C14orf39: variants seen among roughly 807,000 people sequenced by gnomAD.
C14orf39 encodes protein SIX6OS1.
Under a neutral mutation model 85.6 loss-of-function variants are expected in C14orf39, and 66 were observed. The observed-to-expected ratio is 0.77, with a 90% CI of 0.63 to 0.95. The LOEUF (loss-of-function observed/expected upper bound fraction) is 0.95. C14orf39 is among the 40% of genes least tolerant of loss of function. C14orf39 has a pLI of 0.00. For synonymous variants in C14orf39, 242 were observed against 214.0 expected (o/e 1.13, Z -1.14); for missense variants, 735 against 663.9 (o/e 1.11, Z -1.18).
At chr14:60,456,361 T>C (rs1891277729) in intron 15 of C14orf39, among the ~76,000 whole-genome samples, 1 of 151,930 alleles carries the variant, frequency 6.6e-6, no homozygotes, top group South Asian at 2.1e-4. Flanking sequence ...AAGAAATGAC[T>C]GATGGAATAT....
intron 7 of C14orf39, among the ~76,000 whole-genome samples, chr14:60,470,185 C>T (rs930929796): frequency 6.6e-6 from 1 of 151,668 alleles, no homozygotes; most frequent in Non-Finnish European, 1.5e-5. Flanking sequence ...GGCAGATCTT[C>T]GACTTGGACT....
At chr14:60,509,502 G>C in intron 1 of C14orf39, 1 of 1,604,192 alleles carries the variant, frequency 6.2e-7, no homozygotes, top group Non-Finnish European at 8.5e-7. Flanking sequence ...CGCTTCCTCT[G>C]GTCGCTGCCC....
chr14:60,490,137 C>G (rs114786399), upstream of C14orf39, among the ~76,000 whole-genome samples: 551 of 152,278 alleles, frequency 3.6e-3, 4 homozygotes, highest in African/African-American at 0.012. Flanking sequence ...ATCTCAGATT[C>G]AGTCCTAGGC....
At chr14:60,497,170 C>A (rs1893080252) in intron 2 of C14orf39, among the ~76,000 whole-genome samples, 1 of 152,218 alleles carries the variant, frequency 6.6e-6, no homozygotes, top group African/African-American at 2.4e-5. Flanking sequence ...GCTCCTCTGC[C>A]TGGAATGCTC....
chr14:60,506,240 C>G (rs991057041), intron 1 of C14orf39, among the ~76,000 whole-genome samples: 7 of 152,132 alleles, frequency 4.6e-5, no homozygotes, highest in Non-Finnish European at 1.0e-4. Flanking sequence ...TGCCACTGTA[C>G]TTTCTCGATT....
intron 16 of C14orf39, among the ~76,000 whole-genome samples, chr14:60,442,450 C>T (rs1890564665): frequency 6.6e-6 from 1 of 151,490 alleles, no homozygotes; most frequent in Non-Finnish European, 1.5e-5. Flanking sequence ...TTTTTTTTGC[C>T]TATAAAAGTA....
rs17097451 is a variant in C14orf39, at chr14:60,458,659, G to A, written c.1179+19C>T. The A allele has an allele frequency of 1.1e-3, 1,773 of 1,562,634 alleles. 11 individuals are homozygous for A. The African/African-American group carries it at 0.018, about 16-fold the overall frequency. ...TTGGAATTTTTGCTTAGAAATTAGA[G>A]ATCAAACATTTGACTTACTTGTGAA... On this transcript the variant is annotated intron_variant, in intron 14 of 17. Transcript: ENST00000321731.
intron 1 of C14orf39, among the ~76,000 whole-genome samples, chr14:60,505,894 T>G (rs1462751612): frequency 6.6e-6 from 1 of 152,022 alleles, no homozygotes; most frequent in Non-Finnish European, 1.5e-5. Context: ...GGAAAATCAG[T>G]AGGGGCAGAG....
At chr14:60,468,045 A>G (rs1891882629) in intron 9 of C14orf39, among the ~76,000 whole-genome samples, 1 of 151,480 alleles carries the variant, frequency 6.6e-6, no homozygotes, top group Non-Finnish European at 1.5e-5. Flanking sequence ...ACTCATCTTC[A>G]CTCTATAGCA....
intron 1 of C14orf39, among the ~76,000 whole-genome samples, chr14:60,513,637 A>G (rs1354025420): frequency 6.6e-6 from 1 of 152,188 alleles, no homozygotes; most frequent in Non-Finnish European, 1.5e-5. Flanking sequence ...CAAGTCCTAG[A>G]GGGATGGGAA....
At chr14:60,496,083 C>T in intron 2 of C14orf39, 1 of 777,474 alleles carries the variant, frequency 1.3e-6, no homozygotes. Flanking sequence ...CAGACCTTGG[C>T]TTCCAGTGTT....
At chr14:60,498,427 G>A (rs978049475) in intron 2 of C14orf39, among the ~76,000 whole-genome samples, 1 of 152,132 alleles carries the variant, frequency 6.6e-6, no homozygotes, top group African/African-American at 2.4e-5. Flanking sequence ...ATAGGATTAG[G>A]GAGATATAGG....
At chr14:60,510,582 C>T (rs1257653329) in intron 1 of C14orf39, among the ~76,000 whole-genome samples, 1 of 152,030 alleles carries the variant, frequency 6.6e-6, no homozygotes, top group Non-Finnish European at 1.5e-5. Context: ...CGGAAGAGCC[C>T]GGCCTCATCC....
chr14:60,513,669 G>A (rs903706397), intron 1 of C14orf39, among the ~76,000 whole-genome samples: 1 of 152,146 alleles, frequency 6.6e-6, no homozygotes, highest in Non-Finnish European at 1.5e-5. Flanking sequence ...GTGGAATAAT[G>A]TAAAAGAATT....
chr14:60,442,100 T>C lies in C14orf39; in HGVS notation c.1535A>G (p.Asn512Ser), dbSNP rs551722242. The change falls in exon 17 of 18, where the codon AAT becomes AGT. Residue 512 changes from asparagine to serine, a missense_variant. Coordinates refer to ENST00000321731, the MANE Select transcript of C14orf39 (RefSeq NM_174978.3). ...FNEHYSARNLNPLSSEQEIGN... is the reference protein window; with the variant it reads ...FNEHYSARNLSPLSSEQEIGN... ...AATCTCTTGCTCTGATGACAGAGGA[T>C]TTAGATTTCTTGCAGAATAATGTTC... 5.6e-6 allele frequency: 9 copies of C among 1,610,136 alleles called. No individual in the cohort carries two copies. The Admixed American group carries it at 8.4e-5, about 15-fold the overall frequency.
At position 60,461,410 on chromosome 14, in the gene C14orf39, A is replaced by G. The variant is rs369588077; in HGVS notation, c.1061T>C (p.Leu354Ser). 533 of 1,607,468 alleles carry G rather than the reference A, an allele frequency of 3.3e-4. 2 individuals are homozygous for G. The highest frequency in any genetic ancestry group is 4.0e-4 in the Non-Finnish European group (473 of 1,176,054). The change falls in exon 13 of 18, where the codon TTG becomes TCG. Residue 354 changes from leucine to serine, a missense_variant and splice_region_variant. Transcript: ENST00000321731. ...ATTTGATTGTTTCTGTGGGGTTAAC[A>G]ATCTAAAATGGAATAAATATAATTT... ...TSSQKFMQVR[L>S]LTPQKQSNSN...
chr14:60,452,532 A>C (rs1288342424), intron 16 of C14orf39, among the ~76,000 whole-genome samples: 1 of 152,126 alleles, frequency 6.6e-6, no homozygotes, highest in African/African-American at 2.4e-5. Flanking sequence ...GACAGGTGGG[A>C]ATGGTTAATG....
At chr14:60,511,011 CAGG>C in intron 1 of C14orf39, 2 of 1,482,830 alleles carry the variant, frequency 1.3e-6, no homozygotes, top group Admixed American at 3.8e-5. Flanking sequence ...TGGAGGGACG[CAGG>C]AGGTGGTGGG....
intron 2 of C14orf39, among the ~76,000 whole-genome samples, chr14:60,497,757 C>T (rs947760124): frequency 1.2e-4 from 19 of 152,224 alleles, no homozygotes; most frequent in Middle Eastern, 3.4e-3. Flanking sequence ...TGGCGGGCGA[C>T]TGTAATCCCA....
Sources: allele counts gnomAD v4.1 joint callset (sites outside exome capture counted in the v4.1 genomes callset), GRCh38; gene constraint gnomAD v4.1.1; transcripts MANE v1.5; gene names NCBI Gene and HGNC (gene_info 2026-07-23, HGNC 2026-07-21).